Variants in CSMD3 observed in about 807,000 individuals in gnomAD.
CSMD3 encodes the protein CUB and sushi domain-containing protein 3.
In CSMD3, 177 loss-of-function variants were observed where a neutral mutation model predicts 435.2. The observed-to-expected ratio is 0.41, with a 90% CI of 0.36 to 0.46. The LOEUF is 0.46. Among genes scored for constraint, CSMD3 ranks in the 20% least tolerant of loss-of-function variants. The pLI, the probability that CSMD3 is intolerant of heterozygous loss-of-function variation, is 0.34. For missense variants in CSMD3, 4,265 were observed against 4,504.6 expected (o/e 0.95, Z 1.52); for synonymous variants, 1,656 against 1,520.5 (o/e 1.09, Z -2.07).
At chr8:113,289,278 T>C (rs1189993440) in intron 2 of CSMD3, among the ~76,000 whole-genome samples, 1 of 151,830 alleles carries the variant, frequency 6.6e-6, no homozygotes, top group East Asian at 1.9e-4. Context: ...CACTCAGAGT[T>C]TTCTTCTTGA....
chr8:112,893,211 C>T (rs1184248213), intron 10 of CSMD3, among the ~76,000 whole-genome samples: 4 of 151,294 alleles, frequency 2.6e-5, no homozygotes, highest in Non-Finnish European at 4.4e-5. Context: ...CTCACAACAA[C>T]CTGTGGCAGT....
At chr8:112,889,786 A>G (rs1326315126) in intron 10 of CSMD3, among the ~76,000 whole-genome samples, 2 of 151,668 alleles carry the variant, frequency 1.3e-5, no homozygotes, top group Non-Finnish European at 3.0e-5. Context: ...AACTAGAATA[A>G]ATCAAATGAA....
At chr8:112,779,259 T>C (rs2078322812) in intron 13 of CSMD3, among the ~76,000 whole-genome samples, 1 of 151,850 alleles carries the variant, frequency 6.6e-6, no homozygotes, top group African/African-American at 2.4e-5. Flanking sequence ...TGTGGGTTAA[T>C]CTTTGTGGCA....
intron 38 of CSMD3, among the ~76,000 whole-genome samples, chr8:112,372,994 T>TAAAG (rs1828568630): frequency 3.4e-5 from 4 of 116,834 alleles, no homozygotes; most frequent in African/African-American, 1.1e-4. Context: ...TATTTATATT[T>TAAAG]TATATATAAA....
At chr8:112,826,811 G>T (rs2079694637) in intron 12 of CSMD3, among the ~76,000 whole-genome samples, 1 of 152,110 alleles carries the variant, frequency 6.6e-6, no homozygotes, top group South Asian at 2.1e-4. Flanking sequence ...TACTGAAGAT[G>T]CAGTTCTCAT....
At chr8:112,561,184 G>A (rs1586685769) in intron 24 of CSMD3, among the ~76,000 whole-genome samples, 1 of 151,626 alleles carries the variant, frequency 6.6e-6, no homozygotes, top group South Asian at 2.1e-4. Flanking sequence ...TTATGGAAAC[G>A]TTCAGCTGCT....
chr8:112,975,009 TATAA>T (rs554132769), intron 7 of CSMD3, among the ~76,000 whole-genome samples: 21 of 152,032 alleles, frequency 1.4e-4, no homozygotes, highest in East Asian at 3.9e-4. Flanking sequence ...CATATATCGA[TATAA>T]ATAAAGACCT....
At chr8:113,047,516 T>C (rs568958748) in intron 5 of CSMD3, among the ~76,000 whole-genome samples, 1 of 152,376 alleles carries the variant, frequency 6.6e-6, no homozygotes, top group African/African-American at 2.4e-5. Flanking sequence ...TCAGGATTTC[T>C]TCCTCTATTT....
chr8:113,272,991 ATAAC>A (rs2093541220), intron 3 of CSMD3, among the ~76,000 whole-genome samples: 1 of 152,060 alleles, frequency 6.6e-6, no homozygotes, highest in Non-Finnish European at 1.5e-5. Context: ...AAATTCTAAA[ATAAC>A]TAGTGAAGTG....
intron 32 of CSMD3, among the ~76,000 whole-genome samples, chr8:112,421,607 T>A (rs1365557527): frequency 6.8e-6 from 1 of 147,082 alleles, no homozygotes; most frequent in Non-Finnish European, 1.5e-5. Flanking sequence ...TATAATAATA[T>A]ATGTATATAT....
intron 9 of CSMD3, among the ~76,000 whole-genome samples, chr8:112,945,759 A>G (rs1214972370): frequency 6.6e-6 from 1 of 151,198 alleles, no homozygotes; most frequent in African/African-American, 2.4e-5. Flanking sequence ...GTTTCTCCTT[A>G]TTTCCTCTAC....
rs2131582028 is a variant in CSMD3, at chr8:112,636,981, T to A, written c.3551A>T (p.Asp1184Val). ...FSEYNLEPCE[D>V]PGIPQYGSRI... ...ACTACCATATTGAGGAATGCCAGGA[T>A]CTTCACAAGGTTCAAGGTTATATTC... Residue 1184 changes from aspartate (D) to valine (V), a missense_variant, in exon 22 of 71, where the codon GAT becomes GTT. By Grantham distance (152) the Asp-to-Val change is radical. Coordinates refer to ENST00000297405, the MANE Select transcript of CSMD3 (RefSeq NM_198123.2). The A allele has an allele frequency of 6.2e-7, 1 of 1,613,712 alleles. No homozygotes were observed. Among genetic ancestry groups the A allele is most frequent in the South Asian group, 1.1e-5 (1 of 91,084 alleles).
chr8:112,969,697 G>A (rs1237909073), intron 7 of CSMD3, among the ~76,000 whole-genome samples: 1 of 151,772 alleles, frequency 6.6e-6, no homozygotes, highest in African/African-American at 2.4e-5. Flanking sequence ...ATATGAAAAC[G>A]TTCCCAGAAG....
At chr8:112,406,455 A>T in intron 35 of CSMD3, 69 bp downstream of exon 35, 1 of 973,782 alleles carries the variant, frequency 1.0e-6, no homozygotes, top group Non-Finnish European at 1.6e-6. Flanking sequence ...AATTTAAAAA[A>T]TTGAAAGATG....
intron 13 of CSMD3, among the ~76,000 whole-genome samples, chr8:112,795,986 C>T (rs1039891662): frequency 6.6e-5 from 10 of 151,992 alleles, no homozygotes; most frequent in Admixed American, 5.2e-4. Flanking sequence ...CACACATCTC[C>T]TATGTGAAAT....
At chr8:112,755,132 C>T (rs2077660404) in intron 13 of CSMD3, among the ~76,000 whole-genome samples, 1 of 151,830 alleles carries the variant, frequency 6.6e-6, no homozygotes, top group Admixed American at 6.6e-5. Flanking sequence ...CAGATCGAGA[C>T]CATCTTGGCT....
chr8:112,696,079 G>A (rs1322749954), intron 13 of CSMD3, among the ~76,000 whole-genome samples: 1 of 151,776 alleles, frequency 6.6e-6, no homozygotes, highest in African/African-American at 2.4e-5. Context: ...AAATAAAAGA[G>A]GACACAAATG....
intron 22 of CSMD3, among the ~76,000 whole-genome samples, chr8:112,589,126 C>G (rs1372674179): frequency 1.3e-5 from 2 of 152,140 alleles, no homozygotes; most frequent in East Asian, 3.9e-4. Flanking sequence ...AATTGCACGT[C>G]TAATCTTGCA....
At chr8:112,512,924 T>C (rs1224739068) in intron 28 of CSMD3, among the ~76,000 whole-genome samples, 3 of 152,214 alleles carry the variant, frequency 2.0e-5, no homozygotes, top group South Asian at 4.1e-4. Flanking sequence ...GTTACAGAGA[T>C]AGCTTCTTTC....
Sources: allele counts gnomAD v4.1 joint callset (sites outside exome capture counted in the v4.1 genomes callset), GRCh38; gene constraint gnomAD v4.1.1; transcripts MANE v1.5; gene names NCBI Gene and HGNC (gene_info 2026-07-23, HGNC 2026-07-21).